The following WDFY3 variants were observed in gnomAD, a reference collection of about 807,000 sequenced individuals.
The protein encoded by WDFY3 is WD repeat and FYVE domain containing 3.
WDFY3 carries 66 observed loss-of-function variants against 409.6 expected under a neutral mutation model. That is an observed-to-expected ratio of 0.16 (90% CI 0.13 to 0.20). WDFY3 has a LOEUF of 0.20. Among genes scored for constraint, WDFY3 ranks in the 10% least tolerant of loss-of-function variants. The pLI is 1.00. For missense variants in WDFY3, 3,031 were observed against 4,298.1 expected, an observed-to-expected ratio of 0.71 and a Z score of 8.24; for synonymous variants, 1,521 against 1,537.1, an observed-to-expected ratio of 0.99 and a Z score of 0.25.
intron 21 of WDFY3, 79 bp downstream of exon 21, chr4:84,794,440 C>G: frequency 7.5e-7 from 1 of 1,338,306 alleles, no homozygotes. Flanking sequence ...TTATTATTAG[C>G]TGGACTTTTA....
chr4:84,716,941 T>G lies in WDFY3; in HGVS notation c.7830A>C (p.Ala2610=). The G allele has an allele frequency of 6.2e-7, 1 of 1,608,044 alleles. No individual in the cohort carries two copies. Among genetic ancestry groups the G allele is most frequent in the Non-Finnish European group, 8.5e-7 (1 of 1,176,792 alleles). ...TATGAACTTCCTTGATATCTTCATA[T>G]GCAAAAATGCTGCATGTTCTCTTGA... ...SQLKRTCSIF[A]YEDIKEVHKR... The change falls in exon 49 of 68, where the codon GCA becomes GCC. Residue 2610 remains alanine (A), a synonymous_variant. Coordinates refer to ENST00000295888, the MANE Select transcript of WDFY3 (RefSeq NM_014991.6).
intron 2 of WDFY3, among the ~76,000 whole-genome samples, chr4:84,903,562 C>T (rs979190634): frequency 6.6e-6 from 1 of 152,100 alleles, no homozygotes; most frequent in South Asian, 2.1e-4. Context: ...TCAAGTAATC[C>T]GCCTGCCTCA....
chr4:84,869,377 C>T (rs1761869209), intron 3 of WDFY3, among the ~76,000 whole-genome samples: 1 of 152,166 alleles, frequency 6.6e-6, no homozygotes, highest in Non-Finnish European at 1.5e-5. Context: ...CCCTGCATTC[C>T]TGGCCTATAC....
intron 2 of WDFY3, among the ~76,000 whole-genome samples, chr4:84,921,831 AT>A (rs1202137710): frequency 6.6e-6 from 1 of 150,760 alleles, no homozygotes; most frequent in East Asian, 2.0e-4. Flanking sequence ...TAATTTTTAC[AT>A]TTTTAGCAGA....
chr4:84,717,425 A>C (rs974342490), intron 48 of WDFY3, among the ~76,000 whole-genome samples: 1 of 152,222 alleles, frequency 6.6e-6, no homozygotes, highest in Non-Finnish European at 1.5e-5. Flanking sequence ...ATATTTTTGT[A>C]TGGAAAAAGG....
intron 2 of WDFY3, among the ~76,000 whole-genome samples, chr4:84,929,473 C>T (rs971156042): frequency 6.6e-6 from 1 of 150,788 alleles, no homozygotes; most frequent in Non-Finnish European, 1.5e-5. Context: ...AATTGCGCCC[C>T]CCCCCCCAAA....
chr4:84,726,289 T>C (rs932647909), intron 45 of WDFY3, among the ~76,000 whole-genome samples: 8 of 152,176 alleles, frequency 5.3e-5, no homozygotes, highest in African/African-American at 1.9e-4. Context: ...ATTTCTGTGT[T>C]CTAAAAAACT....
intron 64 of WDFY3, among the ~76,000 whole-genome samples, chr4:84,680,168 C>T (rs928235376): frequency 6.6e-6 from 1 of 152,144 alleles, no homozygotes; most frequent in Non-Finnish European, 1.5e-5. Context: ...GGATTACAGG[C>T]GTGGGCCACC....
At chr4:84,777,359 A>G (rs1467688276) in intron 27 of WDFY3, among the ~76,000 whole-genome samples, 1 of 152,092 alleles carries the variant, frequency 6.6e-6, no homozygotes, top group African/African-American at 2.4e-5. Context: ...AAAAGTAAAG[A>G]TGAACATCCT....
chr4:84,736,447 A>G (rs1024411062), intron 41 of WDFY3, 120 bp from the exon 42 acceptor site: 87 of 893,274 alleles, frequency 9.7e-5, no homozygotes, highest in Admixed American at 1.1e-4. Context: ...CACATATTAC[A>G]GATGCAGATA....
At chr4:84,754,725 A>G (rs760252088) in intron 34 of WDFY3, among the ~76,000 whole-genome samples, 2 of 152,208 alleles carry the variant, frequency 1.3e-5, no homozygotes, top group Non-Finnish European at 2.9e-5. Flanking sequence ...ACAAAATCAA[A>G]TGAAACTTGT....
intron 50 of WDFY3, among the ~76,000 whole-genome samples, chr4:84,713,734 C>CT (rs1733337366): frequency 6.6e-6 from 1 of 152,220 alleles, no homozygotes; most frequent in African/African-American, 2.4e-5. Flanking sequence ...TGCCTCTCAT[C>CT]TACATGGTTA....
chr4:84,926,024 C>G (rs1579155511), intron 2 of WDFY3, among the ~76,000 whole-genome samples: 1 of 150,682 alleles, frequency 6.6e-6, no homozygotes, highest in Non-Finnish European at 1.5e-5. Flanking sequence ...TACTTGTTTT[C>G]AGATTTCTTT....
At chr4:84,880,972 C>T (rs1350871766) in intron 3 of WDFY3, among the ~76,000 whole-genome samples, 1 of 151,814 alleles carries the variant, frequency 6.6e-6, no homozygotes, top group Middle Eastern at 3.4e-3. Flanking sequence ...ATCCGCCCTC[C>T]TCGGCCTCCC....
intron 3 of WDFY3, among the ~76,000 whole-genome samples, chr4:84,875,418 A>C (rs1762651076): frequency 6.6e-6 from 1 of 152,148 alleles, no homozygotes; most frequent in African/African-American, 2.4e-5. Context: ...TCAGTGAGTG[A>C]GCAGTGAATG....
At chr4:84,737,630 A>G (rs1363038145) in intron 40 of WDFY3, among the ~76,000 whole-genome samples, 1 of 152,186 alleles carries the variant, frequency 6.6e-6, no homozygotes, top group Non-Finnish European at 1.5e-5. Flanking sequence ...GAAATTATAT[A>G]TATGTAATTA....
In WDFY3 at chr4:84,774,516, T is replaced by C. The variant is rs556866231; in HGVS notation, c.4754+304A>G. 3.9e-4 allele frequency among the ~76,000 whole-genome samples: 59 copies of C among 152,314 alleles called. No individual in the cohort carries two copies. The Middle Eastern group carries it at 0.01, about 26-fold the overall frequency. ...TTAAAAATTAGCAGGGCTTGGGAAA[T>C]AGGATTGGGAACCAAGAATTCCTAG... On this transcript the variant is annotated intron_variant, in intron 29 of 67. Transcript: ENST00000295888.
Position 84,755,391 on chromosome 4 carries a change from C to G in WDFY3, c.5434G>C (p.Asp1812His). Residue 1812 changes from aspartate to histidine, a missense_variant, in exon 34 of 68, where the codon GAT becomes CAT. Physicochemically the swap from Asp to His is moderately conservative, Grantham distance 81. Around this residue, in one of 16 missense-constraint regions of WDFY3, gnomAD observed 342 missense variants for 463.7 expected, o/e 0.74. Coordinates refer to ENST00000295888, the MANE Select transcript of WDFY3 (RefSeq NM_014991.6). ...RSKQGCQFDL[D>H]SIWTFIFGVP... ...CCAAAGATGAATGTCCAAATGGAATCCAAATCAAACTGCAGAGGTGAAAGG... is the reference window on the plus strand; with the variant it reads ...CCAAAGATGAATGTCCAAATGGAATGCAAATCAAACTGCAGAGGTGAAAGG... 3 of 1,606,932 alleles carry G rather than the reference C, an allele frequency of 1.9e-6. No homozygotes were observed. The highest frequency in any genetic ancestry group is 1.1e-5 in the South Asian group (1 of 89,490).
At chr4:84,949,526 T>C (rs1773332768) in intron 1 of WDFY3, among the ~76,000 whole-genome samples, 1 of 152,212 alleles carries the variant, frequency 6.6e-6, no homozygotes. Flanking sequence ...ACTTAAGGTA[T>C]ATCAGAGCAA....
Sources: gnomAD v4.1 joint callset for allele counts (sites outside exome capture counted in the v4.1 genomes callset) on GRCh38, gnomAD v4.1.1 for gene constraint, gnomAD v4.1.1 regional missense constraint, MANE v1.5 for transcripts, NCBI Gene and HGNC (gene_info 2026-07-23, HGNC 2026-07-21) for gene names.